The following AGBL1 variants were observed in gnomAD, a reference collection of about 807,000 sequenced individuals.
The protein encoded by AGBL1 is AGBL carboxypeptidase 1, also known as cytosolic carboxypeptidase 4.
Under a neutral mutation model 118.9 loss-of-function variants are expected in AGBL1, and 130 were observed. The observed-to-expected ratio is 1.09, with a 90% CI of 0.95 to 1.26. The LOEUF is 1.26. Among genes scored for constraint, AGBL1 ranks in the 50% most tolerant of loss-of-function variants. The probability of loss-of-function intolerance (pLI) is 0.00; values close to 1 mark genes in which losing one functional copy is unlikely to be tolerated. For missense variants in AGBL1, 1,584 were observed against 1,298.1 expected, an observed-to-expected ratio of 1.22 and a Z score of -3.38; for synonymous variants, 555 against 478.9, an observed-to-expected ratio of 1.16 and a Z score of -2.08.
rs557050061 is a variant in AGBL1, at chr15:86,472,619, G to A, written c.2556-50191G>A. ...AATTGGAGAACATTTAAAAAATATA[G>A]GCAAAAATAATAGAATAGATTGGGC... On this transcript the variant is annotated intron_variant, in intron 18 of 22. Transcript: ENST00000614907. Among the ~76,000 whole-genome samples the A allele has an allele frequency of 6.8e-4, 103 of 152,260 alleles. 1 individual carries two copies. Among genetic ancestry groups the A allele is most frequent in the African/African-American group, 2.3e-3 (96 of 41,556 alleles).
At chr15:86,659,441 G>T (rs532876214) in intron 21 of AGBL1, among the ~76,000 whole-genome samples, 1 of 152,146 alleles carries the variant, frequency 6.6e-6, no homozygotes, top group Non-Finnish European at 1.5e-5. Flanking sequence ...TAGACCTGCA[G>T]GTAGATCTAA....
At chr15:86,731,325 T>C (rs1567145061) in intron 22 of AGBL1, among the ~76,000 whole-genome samples, 1 of 152,202 alleles carries the variant, frequency 6.6e-6, no homozygotes, top group Admixed American at 6.5e-5. Context: ...CACAGTCTGA[T>C]TCTCTTACTC....
At chr15:86,197,374 C>T (rs1008858630) in intron 5 of AGBL1, among the ~76,000 whole-genome samples, 1 of 152,118 alleles carries the variant, frequency 6.6e-6, no homozygotes, top group Non-Finnish European at 1.5e-5. Flanking sequence ...GAAGTAAGGA[C>T]ATCAAAAGCC....
intron 5 of AGBL1, among the ~76,000 whole-genome samples, chr15:86,159,677 C>T (rs1032224829): frequency 6.6e-6 from 1 of 152,000 alleles, no homozygotes; most frequent in African/African-American, 2.4e-5. Context: ...CTATTAAGAT[C>T]TATCATTTAT....
At chr15:86,693,125 A>C (rs573758468) in intron 22 of AGBL1, among the ~76,000 whole-genome samples, 19 of 152,284 alleles carry the variant, frequency 1.2e-4, no homozygotes, top group South Asian at 1.2e-3. Context: ...GTAGATACCC[A>C]GTAGTGTGAT....
Position 86,554,438 on chromosome 15 carries a change from A to G in AGBL1, c.2895A>G (p.Arg965=). The G allele has an allele frequency of 6.3e-7, 1 of 1,588,326 alleles. No individual in the cohort carries two copies. Among genetic ancestry groups the G allele is most frequent in the South Asian group, 1.2e-5 (1 of 86,724 alleles). The change falls in exon 21 of 23, where the codon CGA becomes CGG. Residue 965 remains arginine (R), a synonymous_variant. Coordinates refer to ENST00000614907, the MANE Select transcript of AGBL1 (RefSeq NM_001386094.1). The part of the protein sequence containing the change: ...SSCSFLVEKS[R]ASTARVVVWR... ...GCAGCTTTCTCGTGGAGAAATCTCG[A>G]GCTTCCACGGCCCGGGTGGTGGTGT... is the stretch of plus-strand genomic sequence containing the variant.
At chr15:86,520,316 T>C (rs1267214822) in intron 18 of AGBL1, among the ~76,000 whole-genome samples, 1 of 152,194 alleles carries the variant, frequency 6.6e-6, no homozygotes, top group Non-Finnish European at 1.5e-5. Flanking sequence ...AGCTATTTCA[T>C]TCGATCCTCA....
intron 17 of AGBL1, among the ~76,000 whole-genome samples, chr15:86,355,734 G>C (rs1470633201): frequency 6.6e-6 from 1 of 152,158 alleles, no homozygotes; most frequent in African/African-American, 2.4e-5. Flanking sequence ...CACTTTCTAT[G>C]GACTGGGGAA....
At chr15:86,922,762 C>A (rs1394453273) in intron 23 of AGBL1, among the ~76,000 whole-genome samples, 1 of 152,020 alleles carries the variant, frequency 6.6e-6, no homozygotes, top group African/African-American at 2.4e-5. Flanking sequence ...TAAAAAGATT[C>A]ATAATGAAAC....
chr15:86,551,761 A>G (rs530634521), intron 20 of AGBL1, among the ~76,000 whole-genome samples: 1 of 152,302 alleles, frequency 6.6e-6, no homozygotes, highest in African/African-American at 2.4e-5. Flanking sequence ...AAAGACAGCT[A>G]CAGCCCAATA....
At chr15:86,215,221 ATGCGTGTG>A (rs1256408620) in intron 5 of AGBL1, among the ~76,000 whole-genome samples, 2,666 of 124,738 alleles carry the variant, frequency 0.021, 39 homozygotes, top group African/African-American at 0.05. Context: ...GTGTATATGT[ATGCGTGTG>A]TGTGTGTGTG....
At chr15:86,403,054 T>G (rs1188724314) in intron 18 of AGBL1, among the ~76,000 whole-genome samples, 1 of 152,140 alleles carries the variant, frequency 6.6e-6, no homozygotes, top group East Asian at 1.9e-4. Context: ...CAGATTTTCT[T>G]AGAGCAGAAG....
intron 21 of AGBL1, among the ~76,000 whole-genome samples, chr15:86,570,772 C>T (rs752040832): frequency 2.6e-5 from 4 of 152,062 alleles, no homozygotes; most frequent in African/African-American, 4.8e-5. Flanking sequence ...TTTGGGGTGT[C>T]GCTTTTCTGG....
chr15:86,717,116 G>A (rs1299792310), intron 22 of AGBL1, among the ~76,000 whole-genome samples: 1 of 152,170 alleles, frequency 6.6e-6, no homozygotes, highest in African/African-American at 2.4e-5. Context: ...TGTCCTAGGT[G>A]ACAAAATGGT....
chr15:86,774,398 T>A (rs1253501043), intron 22 of AGBL1, among the ~76,000 whole-genome samples: 1 of 152,124 alleles, frequency 6.6e-6, no homozygotes, highest in Non-Finnish European at 1.5e-5. Context: ...AAAAGGACAA[T>A]GGAGTCTTTA....
At chr15:86,719,118 C>G (rs555432326) in intron 22 of AGBL1, among the ~76,000 whole-genome samples, 2 of 152,132 alleles carry the variant, frequency 1.3e-5, no homozygotes, top group African/African-American at 4.8e-5. Flanking sequence ...AGTGATAGAG[C>G]AAATATAACA....
chr15:86,207,023 A>G (rs953807792), intron 5 of AGBL1, among the ~76,000 whole-genome samples: 5 of 152,152 alleles, frequency 3.3e-5, no homozygotes, highest in African/African-American at 4.8e-5. Flanking sequence ...TCAGCTTTGT[A>G]CATATGGCTA....
intron 22 of AGBL1, among the ~76,000 whole-genome samples, chr15:86,711,522 C>T (rs72763974): frequency 0.045 from 6,870 of 152,188 alleles, 209 homozygotes; most frequent in Non-Finnish European, 0.073. Flanking sequence ...GTAAGTCTTA[C>T]AAGAATATGA....
intron 18 of AGBL1, among the ~76,000 whole-genome samples, chr15:86,483,081 G>T (rs2082672676): frequency 6.6e-6 from 1 of 151,964 alleles, no homozygotes; most frequent in Admixed American, 6.6e-5. Flanking sequence ...GAGGAGTCAT[G>T]AATATGTATA....
Sources: allele counts gnomAD v4.1 joint callset (sites outside exome capture counted in the v4.1 genomes callset), GRCh38; gene constraint gnomAD v4.1.1; transcripts MANE v1.5; gene names NCBI Gene and HGNC (gene_info 2026-07-23, HGNC 2026-07-21).